TAFA4: variants seen among roughly 807,000 people sequenced by gnomAD.
The protein encoded by TAFA4 is chemokine-like protein TAFA-4.
TAFA4 carries 20 observed loss-of-function variants against 21.1 expected under a neutral mutation model. The observed-to-expected ratio is 0.95, with a 90% CI of 0.67 to 1.38. The LOEUF (loss-of-function observed/expected upper bound fraction) is 1.38, where lower values mean the gene tolerates loss of function less well. TAFA4 is among the 40% of genes most tolerant of loss of function. TAFA4 has a pLI of 0.00. For synonymous variants in TAFA4, 71 were observed against 67.4 expected, an observed-to-expected ratio of 1.05 and a Z score of -0.26; for missense variants, 211 against 180.9, an observed-to-expected ratio of 1.17 and a Z score of -0.95.
At chr3:68,805,251 G>T (rs1307618434) in intron 3 of TAFA4, among the ~76,000 whole-genome samples, 1 of 152,150 alleles carries the variant, frequency 6.6e-6, no homozygotes, top group African/African-American at 2.4e-5. Flanking sequence ...AAACCACAAT[G>T]AGATACCATC....
intron 3 of TAFA4, among the ~76,000 whole-genome samples, chr3:68,816,199 A>T (rs1198677239): frequency 6.6e-6 from 1 of 152,164 alleles, no homozygotes; most frequent in Non-Finnish European, 1.5e-5. Flanking sequence ...TAGCATTAGG[A>T]GATATACCTA....
chr3:68,906,422 G>A (rs1482810886), intron 1 of TAFA4, among the ~76,000 whole-genome samples: 6 of 152,286 alleles, frequency 3.9e-5, no homozygotes, highest in African/African-American at 1.4e-4. Context: ...TAGCACTAAC[G>A]ATGTACCAAA....
intron 3 of TAFA4, among the ~76,000 whole-genome samples, chr3:68,796,936 C>A (rs1306957324): frequency 6.6e-6 from 1 of 152,144 alleles, no homozygotes; most frequent in Non-Finnish European, 1.5e-5. Flanking sequence ...AAACAAAAAC[C>A]TGCTCCCTTT....
At chr3:68,827,680 T>C (rs779117514) in intron 3 of TAFA4, among the ~76,000 whole-genome samples, 10 of 152,352 alleles carry the variant, frequency 6.6e-5, no homozygotes, top group Non-Finnish European at 1.0e-4. Context: ...TGCATAAATG[T>C]CTTTTTTTGA....
At position 68,824,902 on chromosome 3, in the gene TAFA4, A is replaced by G. The variant is rs116630128; in HGVS notation, c.130+55828T>C. Among the ~76,000 whole-genome samples, 768 of 152,166 alleles carry G rather than the reference A, an allele frequency of 5.0e-3. 9 individuals carry two copies. The highest frequency in any genetic ancestry group is 0.017 in the African/African-American group (722 of 41,510). ...GCGTACGGGATTTTCTTACCCTTTA[A>G]TTTCTCAACTCGCTGTCCGATGCTT... On this transcript the variant is annotated intron_variant, in intron 3 of 5. Coordinates refer to ENST00000295569, the MANE Select transcript of TAFA4 (RefSeq NM_182522.5).
At chr3:68,762,053 T>G (rs1328418864) in intron 3 of TAFA4, among the ~76,000 whole-genome samples, 1 of 151,918 alleles carries the variant, frequency 6.6e-6, no homozygotes, top group Non-Finnish European at 1.5e-5. Flanking sequence ...AATCTGGCTT[T>G]AGGAAAGACA....
At chr3:68,781,769 A>G (rs529234736) in intron 3 of TAFA4, among the ~76,000 whole-genome samples, 4 of 152,264 alleles carry the variant, frequency 2.6e-5, no homozygotes, top group African/African-American at 9.6e-5. Context: ...TTATGTGGCC[A>G]GCATTACTCT....
chr3:68,896,593 AAT>A (rs2089791469), intron 1 of TAFA4, among the ~76,000 whole-genome samples: 1 of 152,344 alleles, frequency 6.6e-6, no homozygotes, highest in Admixed American at 6.5e-5. Flanking sequence ...AAATACAACA[AAT>A]ACTGACATAG....
At chr3:68,747,238 G>T (rs1310077351) in intron 4 of TAFA4, among the ~76,000 whole-genome samples, 1 of 143,964 alleles carries the variant, frequency 6.9e-6, no homozygotes, top group Non-Finnish European at 1.6e-5. Context: ...ACACCCACTT[G>T]TGAGTTTTCT....
chr3:68,783,016 T>C (rs1463505665), intron 3 of TAFA4, among the ~76,000 whole-genome samples: 1 of 152,228 alleles, frequency 6.6e-6, no homozygotes, highest in East Asian at 1.9e-4. Context: ...AATAGATCAA[T>C]GTAACTCACC....
chr3:68,795,903 A>G (rs200876552), intron 3 of TAFA4, among the ~76,000 whole-genome samples: 16 of 151,920 alleles, frequency 1.1e-4, no homozygotes, highest in Non-Finnish European at 1.8e-4. Flanking sequence ...GATCTAAGCC[A>G]TATCTGCATT....
Position 68,764,280 on chromosome 3 carries a change from C to T in TAFA4, c.131-11262G>A, listed in dbSNP as rs913322886. ...TGTGAAAACATAGCAAAAAGACAACCGTCTGCAAGCTAGGAAGAGAGCCCC... is the reference window on the plus strand; with the variant it reads ...TGTGAAAACATAGCAAAAAGACAACTGTCTGCAAGCTAGGAAGAGAGCCCC... On this transcript the variant is annotated intron_variant, in intron 3 of 5. Coordinates refer to ENST00000295569, the MANE Select transcript of TAFA4 (RefSeq NM_182522.5). Among the ~76,000 whole-genome samples the T allele has an allele frequency of 9.9e-5, 15 of 152,014 alleles. 1 individual carries two copies. In the South Asian group the frequency reaches 1.7e-3, roughly 17 times the overall value.
intron 3 of TAFA4, among the ~76,000 whole-genome samples, chr3:68,754,703 C>G (rs542351342): frequency 6.6e-6 from 1 of 152,170 alleles, no homozygotes; most frequent in Admixed American, 6.5e-5. Context: ...ATATCCCATT[C>G]TTTATCAAAC....
intron 3 of TAFA4, among the ~76,000 whole-genome samples, chr3:68,850,299 T>C (rs1485043382): frequency 6.6e-6 from 1 of 152,142 alleles, no homozygotes; most frequent in Non-Finnish European, 1.5e-5. Context: ...GCATCCACAA[T>C]GTACACACCA....
At chr3:68,838,054 T>C (rs1704563855) in intron 3 of TAFA4, among the ~76,000 whole-genome samples, 1 of 152,170 alleles carries the variant, frequency 6.6e-6, no homozygotes, top group African/African-American at 2.4e-5. Flanking sequence ...TTTTCAAGTA[T>C]ACAATATATT....
intron 3 of TAFA4, among the ~76,000 whole-genome samples, chr3:68,832,290 C>T (rs1334175037): frequency 6.6e-6 from 1 of 152,186 alleles, no homozygotes; most frequent in South Asian, 2.1e-4. Flanking sequence ...AGCCTCTCTG[C>T]TCTGGTTTCT....
chr3:68,859,541 G>A (rs1022944497), intron 3 of TAFA4, among the ~76,000 whole-genome samples: 1 of 152,112 alleles, frequency 6.6e-6, no homozygotes, highest in Admixed American at 6.6e-5. Context: ...ACAGTAGTTA[G>A]CATTCACCAC....
chr3:68,921,043 C>A (rs112630769), intron 1 of TAFA4, among the ~76,000 whole-genome samples: 2 of 152,074 alleles, frequency 1.3e-5, no homozygotes, highest in African/African-American at 4.8e-5. Flanking sequence ...GGGAGGAGAA[C>A]TGTAGCATCT....
At chr3:68,929,133 A>G (rs1421307265) in intron 1 of TAFA4, among the ~76,000 whole-genome samples, 1 of 152,176 alleles carries the variant, frequency 6.6e-6, no homozygotes, top group Non-Finnish European at 1.5e-5. Flanking sequence ...GGTGGGTTAC[A>G]GGAGATCACA....
Sources: allele counts gnomAD v4.1 joint callset (sites outside exome capture counted in the v4.1 genomes callset), GRCh38; gene constraint gnomAD v4.1.1; transcripts MANE v1.5; gene names NCBI Gene and HGNC (gene_info 2026-07-23, HGNC 2026-07-21).